GAS7: variants seen among roughly 807,000 people sequenced by gnomAD.
GAS7 encodes growth arrest-specific protein 7.
GAS7 carries 28 observed loss-of-function variants against 71.1 expected under a neutral mutation model. The ratio of observed to expected loss-of-function variants is 0.39; its 90% CI spans 0.29 to 0.54. The LOEUF (loss-of-function observed/expected upper bound fraction) is 0.54, where lower values mean the gene tolerates loss of function less well. Among genes scored for constraint, GAS7 ranks in the 20% least tolerant of loss-of-function variants. The pLI is 0.62. For missense variants in GAS7, 436 were observed against 627.8 expected, an observed-to-expected ratio of 0.69 and a Z score of 3.27; for synonymous variants, 258 against 245.8, an observed-to-expected ratio of 1.05 and a Z score of -0.46.
Position 9,915,444 on chromosome 17 carries a change from A to G in GAS7, c.*1784T>C, listed in dbSNP as rs529372853. 6.9e-5 allele frequency: 16 copies of G among 230,230 alleles called. No individual in the cohort carries two copies. Among genetic ancestry groups the G allele is most frequent in the Non-Finnish European group, 1.1e-4 (13 of 115,918 alleles). 14.3% of individuals were successfully genotyped at this position (230,230 alleles called of 1,614,324 possible). ...CCAGATCTGGACAGAGTGGTTCTCC[A>G]TCCCATGGACAGATCCTACCAGGAG... On this transcript the variant is annotated 3_prime_UTR_variant, in exon 14 of 14. Coordinates refer to ENST00000432992, the MANE Select transcript of GAS7 (RefSeq NM_201433.2).
chr17:10,009,103 G>A (rs1358465123), intron 2 of GAS7, among the ~76,000 whole-genome samples: 2 of 151,730 alleles, frequency 1.3e-5, no homozygotes, highest in African/African-American at 4.8e-5. Flanking sequence ...GGCGGATCAC[G>A]AGGTCAGGAG....
At position 10,160,540 on chromosome 17, in the gene GAS7, T is replaced by C. The variant is rs866156995; in HGVS notation, c.183+37668A>G. On this transcript the variant is annotated intron_variant, in intron 1 of 13. Transcript: ENST00000432992. ...GAAGAAGAAAGGCACCTAGAGCCTG[T>C]GAATCCCAGCTCCCTGTCTAGTGGT... 7.9e-5 allele frequency among the ~76,000 whole-genome samples: 12 copies of C among 152,330 alleles called. No homozygotes were observed. In the Middle Eastern group the frequency reaches 0.01, roughly 130 times the overall value.
intron 9 of GAS7, among the ~76,000 whole-genome samples, chr17:9,930,088 C>T (rs1433021293): frequency 1.3e-5 from 2 of 152,142 alleles, no homozygotes; most frequent in Non-Finnish European, 2.9e-5. Flanking sequence ...GTTGTGAAAT[C>T]GATTTAATGG....
At chr17:10,069,011 C>T (rs990716509) in intron 1 of GAS7, among the ~76,000 whole-genome samples, 1 of 152,154 alleles carries the variant, frequency 6.6e-6, no homozygotes, top group African/African-American at 2.4e-5. Context: ...GTCATGTAGG[C>T]ATCCCCTGCC....
At chr17:10,092,929 C>T (rs2073599479) in intron 1 of GAS7, among the ~76,000 whole-genome samples, 1 of 152,128 alleles carries the variant, frequency 6.6e-6, no homozygotes, top group African/African-American at 2.4e-5. Context: ...CCAGATAATC[C>T]AAAATAACCT....
At chr17:9,940,961 T>C (rs970470811) in intron 7 of GAS7, among the ~76,000 whole-genome samples, 1 of 152,224 alleles carries the variant, frequency 6.6e-6, no homozygotes, top group Non-Finnish European at 1.5e-5. Context: ...CAACCAGAGC[T>C]GGCCAGAGCC....
chr17:10,032,034 G>A (rs1172565310), intron 1 of GAS7, among the ~76,000 whole-genome samples: 2 of 147,408 alleles, frequency 1.4e-5, no homozygotes, highest in African/African-American at 5.0e-5. Context: ...CTGAAATACA[G>A]AGAACAGCTC....
chr17:10,125,288 CA>C (rs2073935855), intron 1 of GAS7, among the ~76,000 whole-genome samples: 3 of 152,104 alleles, frequency 2.0e-5, no homozygotes, highest in Non-Finnish European at 4.4e-5. Flanking sequence ...GAGGCCAAGG[CA>C]GATGGCTTAC....
At position 10,108,253 on chromosome 17, in the gene GAS7, A is replaced by C. The variant is rs1379583516; in HGVS notation, c.184-88356T>G. ...ACCTCCACCTGGCAACCTTCATTTA[A>C]CCCAAAAGAAAGGGCCTTGGTCCTC... On this transcript the variant is annotated intron_variant, in intron 1 of 13. Coordinates refer to ENST00000432992, the MANE Select transcript of GAS7 (RefSeq NM_201433.2). Among the ~76,000 whole-genome samples, 5 of 152,144 alleles carry C rather than the reference A, an allele frequency of 3.3e-5. No individual in the cohort carries two copies. In the East Asian group the frequency reaches 9.6e-4, roughly 29 times the overall value.
chr17:10,111,912 T>A (rs1463652754), intron 1 of GAS7, among the ~76,000 whole-genome samples: 1 of 152,234 alleles, frequency 6.6e-6, no homozygotes, highest in Non-Finnish European at 1.5e-5. Flanking sequence ...CTTATTTTCA[T>A]GCTAAAAGCA....
At chr17:10,116,576 T>G (rs1176049022) in intron 1 of GAS7, among the ~76,000 whole-genome samples, 1 of 152,008 alleles carries the variant, frequency 6.6e-6, no homozygotes, top group Non-Finnish European at 1.5e-5. Flanking sequence ...GGGAAGTCAC[T>G]TACAGGAGAG....
At chr17:10,064,198 G>C (rs1415885534) in intron 1 of GAS7, among the ~76,000 whole-genome samples, 9 of 152,270 alleles carry the variant, frequency 5.9e-5, no homozygotes, top group South Asian at 2.1e-4. Context: ...CATTTCCCGG[G>C]CTCCACGACA....
intron 2 of GAS7, among the ~76,000 whole-genome samples, chr17:10,007,346 C>T (rs950808533): frequency 1.4e-4 from 21 of 152,008 alleles, no homozygotes; most frequent in African/African-American, 4.1e-4. Context: ...GTTTCTAGGC[C>T]GGGCACGGTG....
intron 1 of GAS7, among the ~76,000 whole-genome samples, chr17:10,144,509 T>C (rs1357756715): frequency 6.6e-6 from 1 of 152,284 alleles, no homozygotes; most frequent in Non-Finnish European, 1.5e-5. Context: ...TCTGGTAAAT[T>C]ATTACACAAA....
intron 3 of GAS7, among the ~76,000 whole-genome samples, chr17:9,980,522 C>A (rs2070373988): frequency 6.6e-6 from 1 of 152,228 alleles, no homozygotes; most frequent in Non-Finnish European, 1.5e-5. Context: ...ACGCTCAAGG[C>A]ATTGGAAGAT....
At chr17:10,008,704 A>G (rs190742662) in intron 2 of GAS7, among the ~76,000 whole-genome samples, 1 of 152,344 alleles carries the variant, frequency 6.6e-6, no homozygotes, top group Admixed American at 6.5e-5. Flanking sequence ...ACAGCCTTCC[A>G]CTAAGAATCC....
chr17:9,992,493 C>T (rs1164639557), intron 2 of GAS7, among the ~76,000 whole-genome samples: 2 of 151,776 alleles, frequency 1.3e-5, no homozygotes, highest in Non-Finnish European at 2.9e-5. Context: ...GAGAAGGTTC[C>T]AGTGTGTGGG....
chr17:10,019,906 GAAGA>G lies in GAS7; in HGVS notation c.184-13_184-10del, dbSNP rs780315960. 2.5e-6 allele frequency: 4 copies of G among 1,612,638 alleles called. No individual in the cohort carries two copies. The highest frequency in any genetic ancestry group is 1.1e-5 in the South Asian group (1 of 91,054). On this transcript the variant is annotated splice_polypyrimidine_tract_variant and intron_variant, in intron 1 of 13. Coordinates refer to ENST00000432992, the MANE Select transcript of GAS7 (RefSeq NM_201433.2). Reference sequence around the variant, plus strand: ...GGGACCATTCCAGGCTTCTGTTGGAGAAGAAAGAAAAGGTCACACCCATTTGGCA... The same window carrying G: ...GGGACCATTCCAGGCTTCTGTTGGAGAAGAAAAGGTCACACCCATTTGGCA...
intron 1 of GAS7, among the ~76,000 whole-genome samples, chr17:10,143,229 C>T (rs1477854822): frequency 3.3e-5 from 5 of 151,844 alleles, no homozygotes; most frequent in African/African-American, 9.7e-5. Context: ...CCCCTAGTAA[C>T]TCTAGATGTG....
Sources: gnomAD v4.1 joint callset for allele counts (sites outside exome capture counted in the v4.1 genomes callset) on GRCh38, gnomAD v4.1.1 for gene constraint, MANE v1.5 for transcripts, NCBI Gene and HGNC (gene_info 2026-07-23, HGNC 2026-07-21) for gene names.